The following SLC9A2 variants were observed in gnomAD, a reference collection of about 807,000 sequenced individuals.
SLC9A2 encodes solute carrier family 9 member A2, also known as sodium/hydrogen exchanger 2.
In SLC9A2, 42 loss-of-function variants were observed where a neutral mutation model predicts 71.7. The observed-to-expected ratio is 0.59, with a 90% CI of 0.46 to 0.76. The LOEUF (loss-of-function observed/expected upper bound fraction) is 0.76, where lower values mean the gene tolerates loss of function less well. SLC9A2 is among the 30% of genes least tolerant of loss of function. The probability of loss-of-function intolerance (pLI) is 0.00; values close to 1 mark genes in which losing one functional copy is unlikely to be tolerated. For missense variants in SLC9A2, 829 were observed against 1,017.4 expected (o/e 0.81, Z 2.52); for synonymous variants, 396 against 392.5 (o/e 1.01, Z -0.10).
Position 102,710,297 on chromosome 2 carries a change from G to A in SLC9A2, c.*1808G>A, listed in dbSNP as rs771675837. ...ACATAAAATTTTATGATAATAACAT[G>A]ATTCAAGAAATGTGATGTAGATTTT... On this transcript the variant is annotated 3_prime_UTR_variant, in exon 12 of 12. Coordinates refer to ENST00000233969, the MANE Select transcript of SLC9A2 (RefSeq NM_003048.6). 16 of 152,430 alleles carry A rather than the reference G, an allele frequency of 1.0e-4. No homozygotes were observed. The highest frequency in any genetic ancestry group is 2.2e-4 in the Non-Finnish European group (15 of 68,008). The allele number at this position is 152,430 out of a possible 1,614,324, so 9.4% of individuals were successfully genotyped here. A position where few individuals can be genotyped will look rare whatever the true frequency, so the allele number is the denominator to read the frequency against.
intron 5 of SLC9A2, among the ~76,000 whole-genome samples, chr2:102,688,225 T>A (rs72999597): frequency 0.046 from 6,999 of 152,154 alleles, 281 homozygotes; most frequent in African/African-American, 0.11. Context: ...GAGGGTGAAA[T>A]ACAGTTACAT....
At chr2:102,673,140 T>C (rs1038695713) in intron 3 of SLC9A2, among the ~76,000 whole-genome samples, 15 of 152,168 alleles carry the variant, frequency 9.9e-5, no homozygotes, top group African/African-American at 3.6e-4. Context: ...TTGTCACCTG[T>C]GTCTTAGTGT....
At chr2:102,642,381 A>C (rs1424307761) in intron 1 of SLC9A2, among the ~76,000 whole-genome samples, 1 of 152,184 alleles carries the variant, frequency 6.6e-6, no homozygotes, top group African/African-American at 2.4e-5. Flanking sequence ...AATCATGAAT[A>C]GATGTTGAAT....
intron 5 of SLC9A2, 46 bp downstream of exon 5, chr2:102,684,382 A>G: frequency 6.5e-7 from 1 of 1,534,924 alleles, no homozygotes; most frequent in Non-Finnish European, 9.0e-7. Context: ...AATATCGTTC[A>G]GAATATTGGA....
intron 1 of SLC9A2, among the ~76,000 whole-genome samples, chr2:102,647,230 C>T (rs1316529577): frequency 2.0e-5 from 3 of 151,982 alleles, no homozygotes; most frequent in African/African-American, 4.8e-5. Context: ...AAAAACTGAA[C>T]AACTTGCTCC....
chr2:102,620,179 CG>C (rs753682039), intron 1 of SLC9A2, 42 bp downstream of exon 1: 9 of 1,544,672 alleles, frequency 5.8e-6, no homozygotes, highest in Admixed American at 1.8e-5. Context: ...GGGGCGATCT[CG>C]GGGGGACACC....
Position 102,683,249 on chromosome 2 carries a change from C to T in SLC9A2, c.1005-12C>T. 1 of 1,588,512 alleles carries T rather than the reference C, an allele frequency of 6.3e-7. No individual in the cohort carries two copies. Among genetic ancestry groups the T allele is most frequent in the Non-Finnish European group, 8.6e-7 (1 of 1,156,836 alleles). ...TGTTAGGTTTCAATAGAAGCTGAAT[C>T]TTCCCTTTCAGAATCACTGCTTGTG... On this transcript the variant is annotated splice_polypyrimidine_tract_variant and intron_variant, in intron 3 of 11. Transcript: ENST00000233969.
chr2:102,662,990 C>T (rs994914843), intron 2 of SLC9A2, among the ~76,000 whole-genome samples: 2 of 152,164 alleles, frequency 1.3e-5, no homozygotes, highest in African/African-American at 4.8e-5. Context: ...GGGAAACCCG[C>T]CTCTCCTCTG....
intron 1 of SLC9A2, among the ~76,000 whole-genome samples, chr2:102,621,352 G>GAA (rs768118079): frequency 0.011 from 1,208 of 109,516 alleles, 15 homozygotes; most frequent in African/African-American, 0.028. Flanking sequence ...TTGTCTCAGG[G>GAA]AAAAAAAAAA....
At chr2:102,642,372 A>G (rs929753537) in intron 1 of SLC9A2, among the ~76,000 whole-genome samples, 2 of 152,206 alleles carry the variant, frequency 1.3e-5, no homozygotes, top group African/African-American at 4.8e-5. Context: ...GAGAATTTTA[A>G]TCATGAATAG....
intron 1 of SLC9A2, among the ~76,000 whole-genome samples, chr2:102,644,798 G>A (rs6755047): frequency 0.051 from 7,783 of 152,278 alleles, 608 homozygotes; most frequent in African/African-American, 0.17. Context: ...AGCAGCCCCT[G>A]TCAAGGGCTT....
At chr2:102,684,035 T>A in intron 4 of SLC9A2, 99 bp from the exon 5 acceptor site, 1 of 844,524 alleles carries the variant, frequency 1.2e-6, no homozygotes, top group East Asian at 2.5e-5. Flanking sequence ...TATTCTTAAA[T>A]CCTTTGTCCC....
chr2:102,676,480 A>G (rs1463502171), intron 3 of SLC9A2, among the ~76,000 whole-genome samples: 1 of 152,246 alleles, frequency 6.6e-6, no homozygotes, highest in Non-Finnish European at 1.5e-5. Flanking sequence ...AAAAAGTTGC[A>G]GAGAATTTAT....
Position 102,708,448 on chromosome 2 carries a change from C to T in SLC9A2, c.2398C>T (p.Pro800Ser), listed in dbSNP as rs766015522. 1 of 1,614,100 alleles carries T rather than the reference C, an allele frequency of 6.2e-7. No individual in the cohort carries two copies. Among genetic ancestry groups the T allele is most frequent in the Middle Eastern group, 1.6e-4 (1 of 6,062 alleles). ...ACGGCTGGTCTGGAGGGCATCGGAA[C>T]CTGGAAGCCGGAAAGCCCGATTTGG... is the stretch of plus-strand genomic sequence containing the variant. ...PPRLVWRASE[P>S]GSRKARFGSE... The change falls in exon 12 of 12, where the codon CCT becomes TCT. Residue 800 changes from proline to serine, a missense_variant. By Grantham distance (74) the Pro-to-Ser change is moderately conservative (BLOSUM62 -1). Coordinates refer to ENST00000233969, the MANE Select transcript of SLC9A2 (RefSeq NM_003048.6).
Position 102,710,721 on chromosome 2 carries a change from G to A in SLC9A2, c.*2232G>A, listed in dbSNP as rs1678091597. The A allele has an allele frequency of 6.6e-6, 1 of 152,076 alleles. No homozygotes were observed. Among genetic ancestry groups the A allele is most frequent in the South Asian group, 2.1e-4 (1 of 4,814 alleles). The allele number at this position is 152,076 out of a possible 1,614,324, so 9.4% of individuals were successfully genotyped here. On this transcript the variant is annotated 3_prime_UTR_variant, in exon 12 of 12. Transcript: ENST00000233969. ...TTAAATTCTAGTCACTAGTCATTAT[G>A]AGAGTATTGACTAAATATTTTCACA...
At chr2:102,653,804 A>T (rs1465774333) in intron 1 of SLC9A2, among the ~76,000 whole-genome samples, 2 of 152,144 alleles carry the variant, frequency 1.3e-5, no homozygotes, top group African/African-American at 4.8e-5. Flanking sequence ...GTCTCCATGG[A>T]TCCTATGGCT....
intron 3 of SLC9A2, among the ~76,000 whole-genome samples, chr2:102,670,041 A>AGTT (rs113872266): frequency 6.7e-6 from 1 of 149,862 alleles, no homozygotes; most frequent in African/African-American, 2.5e-5. Context: ...TTTATTTTTT[A>AGTT]TTTTTTTTGA....
intron 1 of SLC9A2, among the ~76,000 whole-genome samples, chr2:102,637,941 A>T (rs1408049522): frequency 6.6e-6 from 1 of 152,248 alleles, no homozygotes; most frequent in African/African-American, 2.4e-5. Context: ...TACGGGGAGC[A>T]AGCTGGACAG....
At chr2:102,690,489 G>A (rs750879302) in intron 5 of SLC9A2, among the ~76,000 whole-genome samples, 7 of 152,154 alleles carry the variant, frequency 4.6e-5, no homozygotes, top group African/African-American at 9.7e-5. Flanking sequence ...GTCACAGGAT[G>A]GTTTTTGTTT....
Sources: allele counts gnomAD v4.1 joint callset (sites outside exome capture counted in the v4.1 genomes callset), GRCh38; gene constraint gnomAD v4.1.1; transcripts MANE v1.5; gene names NCBI Gene and HGNC (gene_info 2026-07-23, HGNC 2026-07-21).